ZAP70: variants seen among roughly 807,000 people sequenced by gnomAD.
The protein encoded by ZAP70 is tyrosine-protein kinase ZAP-70.
Under a neutral mutation model 65.8 loss-of-function variants are expected in ZAP70, and 27 were observed. The observed-to-expected ratio is 0.41, with a 90% CI of 0.30 to 0.57. ZAP70 has a LOEUF of 0.57. Among genes scored for constraint, ZAP70 ranks in the 20% least tolerant of loss-of-function variants. The pLI is 0.28. For synonymous variants in ZAP70, 363 were observed against 360.8 expected (o/e 1.01, Z -0.07); for missense variants, 696 against 870.5 (o/e 0.80, Z 2.52).
Position 97,739,481 on chromosome 2 carries a change from G to C in ZAP70, c.1843G>C (p.Glu615Gln). 1 of 1,613,004 alleles carries C rather than the reference G, an allele frequency of 6.2e-7. No homozygotes were observed. The highest frequency in any genetic ancestry group is 1.1e-5 in the South Asian group (1 of 91,064). Reference sequence around the variant, plus strand: ...GCCCCCAGGCAGCACACAGAAGGCTGAGGCTGCCTGTGCCTGAGCTCCCGC... The same window carrying C: ...GCCCCCAGGCAGCACACAGAAGGCTCAGGCTGCCTGTGCCTGAGCTCCCGC... ...EGPPGSTQKAEAACA is the reference protein window; with the variant it reads ...EGPPGSTQKAQAACA Residue 615 changes from glutamate to glutamine, a missense_variant, in exon 14 of 14, where the codon GAG becomes CAG. By Grantham distance (29) the Glu-to-Gln change is conservative (BLOSUM62 2). Coordinates refer to ENST00000264972, the MANE Select transcript of ZAP70 (RefSeq NM_001079.4).
At chr2:97,741,560 G>A (rs1360000773), downstream of ZAP70, among the ~76,000 whole-genome samples, 1 of 150,510 alleles carries the variant, frequency 6.6e-6, no homozygotes, top group African/African-American at 2.5e-5. Context: ...GGTGATGTCC[G>A]CTAGGAAAGC....
At chr2:97,732,635 G>A (rs1677656019) in intron 4 of ZAP70, 5 of 598,434 alleles carry the variant, frequency 8.4e-6, no homozygotes, top group East Asian at 2.9e-5. Context: ...ATGGCCATCT[G>A]TTGGCTCTTG....
chr2:97,730,144 T>C (rs1171449397), intron 4 of ZAP70, among the ~76,000 whole-genome samples: 8 of 152,162 alleles, frequency 5.3e-5, no homozygotes, highest in Non-Finnish European at 1.2e-4. Context: ...AGAGAATCAC[T>C]TGAACCCAGG....
At chr2:97,718,056 G>A (rs945151871) in intron 2 of ZAP70, among the ~76,000 whole-genome samples, 1 of 152,200 alleles carries the variant, frequency 6.6e-6, no homozygotes, top group African/African-American at 2.4e-5. Context: ...AGCTGACTGG[G>A]GTCAGCCTAG....
intron 4 of ZAP70, among the ~76,000 whole-genome samples, chr2:97,726,401 A>G (rs538327775): frequency 6.6e-6 from 1 of 152,312 alleles, no homozygotes; most frequent in Admixed American, 6.5e-5. Flanking sequence ...CCTCTTTCCC[A>G]TGACCTCAGG....
chr2:97,749,372 A>G, the ZAP70 span, among the ~76,000 whole-genome samples: 1 of 152,138 alleles, frequency 6.6e-6, no homozygotes, highest in South Asian at 2.1e-4. Flanking sequence ...TCTGTGTGGG[A>G]AAGGAGGGAG....
intron 4 of ZAP70, among the ~76,000 whole-genome samples, chr2:97,730,795 C>T (rs1305464148): frequency 7.9e-5 from 12 of 152,170 alleles, no homozygotes; most frequent in Non-Finnish European, 1.5e-5. Context: ...GTGGCTCACG[C>T]CTGTAATCCC....
chr2:97,729,192 C>T (rs568017465), intron 4 of ZAP70, among the ~76,000 whole-genome samples: 69 of 152,350 alleles, frequency 4.5e-4, no homozygotes, highest in African/African-American at 1.6e-3. Context: ...TCCTGAACCT[C>T]GTCCTTAGAA....
chr2:97,730,375 T>C (rs1487077281), intron 4 of ZAP70, among the ~76,000 whole-genome samples: 1 of 152,182 alleles, frequency 6.6e-6, no homozygotes, highest in East Asian at 1.9e-4. Context: ...AGCTGGAAGA[T>C]TGGCTGGAGC....
the ZAP70 span, among the ~76,000 whole-genome samples, chr2:97,747,469 G>A: frequency 1.1e-4 from 17 of 152,342 alleles, no homozygotes; most frequent in African/African-American, 3.8e-4. Context: ...GACACAAAAA[G>A]CCACATATTG....
chr2:97,724,158 G>T lies in ZAP70; in HGVS notation c.122G>T (p.Arg41Leu), dbSNP rs767957548. 1.3e-6 allele frequency: 2 copies of T among 1,580,314 alleles called. No homozygotes were observed. The highest frequency in any genetic ancestry group is 1.7e-6 in the Non-Finnish European group (2 of 1,164,324). Residue 41 changes from arginine to leucine, a missense_variant, in exon 3 of 14, where the codon CGC becomes CTC. Around this residue, in one of 3 missense-constraint regions of ZAP70, gnomAD observed 551 missense variants for 630.0 expected, o/e 0.87. Transcript: ENST00000264972. The part of the protein sequence containing the change: ...DGLFLLRQCL[R>L]SLGGYVLSLV... ...CTCTTCCTGCTGCGCCAGTGCCTGCGCTCGCTGGGCGGCTATGTGCTGTCG... is the reference window on the plus strand; with the variant it reads ...CTCTTCCTGCTGCGCCAGTGCCTGCTCTCGCTGGGCGGCTATGTGCTGTCG...
chr2:97,724,856 T>C (rs1489044915), intron 3 of ZAP70: 12 of 1,525,306 alleles, frequency 7.9e-6, no homozygotes, highest in Non-Finnish European at 1.1e-5. Flanking sequence ...CTGAATTAGG[T>C]CTTCAAGCTG....
the ZAP70 span, among the ~76,000 whole-genome samples, chr2:97,754,999 A>ACAAT: frequency 2.0e-5 from 3 of 152,248 alleles, no homozygotes; most frequent in African/African-American, 4.8e-5. Context: ...GGTCAGGTTC[A>ACAAT]CAATCACGCC....
chr2:97,732,838 C>T (rs1202651147), intron 4 of ZAP70, 45 bp from the exon 5 acceptor site: 1 of 1,612,372 alleles, frequency 6.2e-7, no homozygotes, highest in Admixed American at 1.7e-5. Context: ...AGCAGGAGGC[C>T]CCCAGGTGGC....
At chr2:97,722,881 A>C (rs1677214582) in intron 2 of ZAP70, among the ~76,000 whole-genome samples, 1 of 152,196 alleles carries the variant, frequency 6.6e-6, no homozygotes, top group African/African-American at 2.4e-5. Flanking sequence ...CATCACTCCT[A>C]AACATTTCTG....
rs769393096 is a variant in ZAP70, at chr2:97,724,126, G to T, written c.90G>T (p.Ala30=). The T allele has an allele frequency of 7.7e-6, 12 of 1,567,876 alleles. No homozygotes were observed. In the South Asian group the frequency reaches 1.3e-4, roughly 17 times the overall value. ...AGCACCTGAAGCTGGCGGGCATGGC[G>T]GACGGGCTCTTCCTGCTGCGCCAGT... is the stretch of plus-strand genomic sequence containing the variant. The part of the protein sequence containing the change: ...AEEHLKLAGM[A]DGLFLLRQCL... The change falls in exon 3 of 14, where the codon GCG becomes GCT. Residue 30 remains alanine, a synonymous_variant. Transcript: ENST00000264972.
chr2:97,717,655 T>A (rs1676992563), intron 2 of ZAP70, among the ~76,000 whole-genome samples: 2 of 152,258 alleles, frequency 1.3e-5, no homozygotes, highest in South Asian at 4.1e-4. Context: ...TTCAAGGCTT[T>A]GCTGAATAGG....
the ZAP70 span, among the ~76,000 whole-genome samples, chr2:97,745,284 C>T: frequency 6.6e-6 from 1 of 152,230 alleles, no homozygotes; most frequent in African/African-American, 2.4e-5. Flanking sequence ...GGTGATCCAC[C>T]TGCCTTGGCC....
At chr2:97,724,923 G>A in intron 3 of ZAP70, 169 bp from the exon 4 acceptor site, 3 of 1,534,032 alleles carry the variant, frequency 2.0e-6, no homozygotes, top group Middle Eastern at 1.7e-4. Flanking sequence ...AGCTGGATTG[G>A]GGAGGGGACC....
Sources: allele counts gnomAD v4.1 joint callset (sites outside exome capture counted in the v4.1 genomes callset), GRCh38; gene constraint gnomAD v4.1.1; regional missense constraint gnomAD v4.1.1; transcripts MANE v1.5; gene names NCBI Gene and HGNC (gene_info 2026-07-23, HGNC 2026-07-21).